HECW1: variants seen among roughly 807,000 people sequenced by gnomAD.
HECW1 encodes the protein E3 ubiquitin-protein ligase HECW1.
In HECW1, 61 loss-of-function variants were observed where a neutral mutation model predicts 182.3. The ratio of observed to expected loss-of-function variants is 0.33; its 90% CI spans 0.27 to 0.41. The LOEUF (loss-of-function observed/expected upper bound fraction) is 0.41. Ranked by LOEUF, HECW1 falls within the 10% of genes least tolerant of loss-of-function variation. The pLI is 1.00. For missense variants in HECW1, 1,739 were observed against 2,108.9 expected (o/e 0.82, Z 3.44); for synonymous variants, 859 against 832.6 (o/e 1.03, Z -0.55).
intron 2 of HECW1, among the ~76,000 whole-genome samples, chr7:43,165,095 G>A (rs1790962952): frequency 6.6e-6 from 1 of 152,168 alleles, no homozygotes; most frequent in Admixed American, 6.5e-5. Context: ...GGTTTCAATA[G>A]TAAGGCCTTC....
intron 6 of HECW1, among the ~76,000 whole-genome samples, chr7:43,369,664 T>A (rs1415349013): frequency 6.6e-6 from 1 of 152,194 alleles, no homozygotes; most frequent in African/African-American, 2.4e-5. Flanking sequence ...TGATGAATCT[T>A]GACATGAATA....
chr7:43,431,990 G>C (rs1042707248), intron 8 of HECW1, among the ~76,000 whole-genome samples: 1 of 151,892 alleles, frequency 6.6e-6, no homozygotes, highest in African/African-American at 2.4e-5. Context: ...ACCATGCCTG[G>C]CTAATTTTTG....
Position 43,289,426 on chromosome 7 carries a change from C to T in HECW1, c.28-22337C>T, listed in dbSNP as rs1381623150. 3.3e-5 allele frequency among the ~76,000 whole-genome samples: 5 copies of T among 152,176 alleles called. No homozygotes were observed. The East Asian group carries it at 9.6e-4, about 29-fold the overall frequency. ...AGCCTCCAGCACTTTCTAATGCTGT[C>T]CCTACATGCAGTGGCAGCTCTACCC... On this transcript the variant is annotated intron_variant, in intron 3 of 29. Transcript: ENST00000395891.
intron 2 of HECW1, chr7:43,162,992 AG>A (rs1166646187): frequency 1.3e-5 from 2 of 152,214 alleles, no homozygotes; most frequent in Non-Finnish European, 2.9e-5. Flanking sequence ...TGAGCAGAGG[AG>A]TTGCTTACCT....
chr7:43,315,433 A>T (rs1809091936), intron 4 of HECW1, among the ~76,000 whole-genome samples: 1 of 151,304 alleles, frequency 6.6e-6, no homozygotes, highest in Non-Finnish European at 1.5e-5. Flanking sequence ...AGACAAGTAG[A>T]TTCTCCCCAT....
intron 24 of HECW1, chr7:43,509,365 A>G (rs778774097): frequency 4.8e-6 from 2 of 415,106 alleles, no homozygotes; most frequent in Non-Finnish European, 8.6e-6. Context: ...ATAATTGCCT[A>G]CTGAGAAGAC....
intron 8 of HECW1, among the ~76,000 whole-genome samples, chr7:43,436,645 C>T (rs1056298104): frequency 6.6e-6 from 1 of 152,158 alleles, no homozygotes; most frequent in Non-Finnish European, 1.5e-5. Context: ...AAGGCAGGAA[C>T]AGGCCATTTT....
intron 3 of HECW1, among the ~76,000 whole-genome samples, chr7:43,250,819 T>C (rs1016681446): frequency 4.6e-5 from 7 of 152,318 alleles, no homozygotes; most frequent in African/African-American, 1.7e-4. Context: ...ATTCAGAATC[T>C]TAGCTTCTCT....
chr7:43,399,169 G>A lies in HECW1; in HGVS notation c.631+2280G>A, dbSNP rs141371889. On this transcript the variant is annotated intron_variant, in intron 7 of 29. Transcript: ENST00000395891. ...TGCAGTCTAGTCTCCAGGCAAGAAGGGGGTTTGTTTCAGGAAAGAGCTGCT... is the reference window on the plus strand; with the variant it reads ...TGCAGTCTAGTCTCCAGGCAAGAAGAGGGTTTGTTTCAGGAAAGAGCTGCT... Among the ~76,000 whole-genome samples, 517 of 152,300 alleles carry A rather than the reference G, an allele frequency of 3.4e-3. 2 individuals are homozygous for A. The highest frequency in any genetic ancestry group is 6.1e-3 in the Admixed American group (94 of 15,294).
intron 28 of HECW1, among the ~76,000 whole-genome samples, chr7:43,553,668 CAAAAAAAA>C (rs773974209): frequency 3.0e-5 from 1 of 33,464 alleles, no homozygotes; most frequent in East Asian, 8.0e-4. Flanking sequence ...GATTCTGTCT[CAAAAAAAA>C]AAAAAAAAAA....
chr7:43,520,967 C>G (rs1402090429), intron 24 of HECW1, among the ~76,000 whole-genome samples: 1 of 152,224 alleles, frequency 6.6e-6, no homozygotes, highest in African/African-American at 2.4e-5. Flanking sequence ...GGCATGGAGG[C>G]AGCACCCTTC....
intron 2 of HECW1, among the ~76,000 whole-genome samples, chr7:43,190,953 T>A (rs546641085): frequency 6.6e-6 from 1 of 152,278 alleles, no homozygotes; most frequent in African/African-American, 2.4e-5. Context: ...ACAAGAATAT[T>A]TTCCCCCTTC....
intron 6 of HECW1, among the ~76,000 whole-genome samples, chr7:43,366,036 G>C (rs1289639493): frequency 6.6e-6 from 1 of 151,898 alleles, no homozygotes; most frequent in African/African-American, 2.4e-5. Flanking sequence ...CTGGGAGGTA[G>C]AGGTTGCAGT....
At chr7:43,531,660 C>A (rs551995834) in intron 24 of HECW1, among the ~76,000 whole-genome samples, 1 of 152,268 alleles carries the variant, frequency 6.6e-6, no homozygotes, top group South Asian at 2.1e-4. Context: ...CTCCCCTGCA[C>A]CCCTAATGAA....
At position 43,507,164 on chromosome 7, in the gene HECW1, C is replaced by A; in HGVS notation, c.3659C>A (p.Pro1220His). The A allele has an allele frequency of 6.2e-7, 1 of 1,613,976 alleles. No individual in the cohort carries two copies. The highest frequency in any genetic ancestry group is 8.5e-7 in the Non-Finnish European group (1 of 1,179,884). The change falls in exon 22 of 30, where the codon CCT becomes CAT. Residue 1220 changes from proline to histidine, a missense_variant. This residue lies in a region of HECW1 where 420 missense variants were observed against 595.7 expected (regional missense o/e 0.71). Coordinates refer to ENST00000395891, the MANE Select transcript of HECW1 (RefSeq NM_015052.5). The stretch of plus-strand genomic sequence containing the variant: ...TTACAGAGAGCCAGTGCAAGAGCCC[C>A]TTCCCCCTACCGAAGAGACTTTGAG... ...PGLQRASARA[P>H]SPYRRDFEAK...
intron 4 of HECW1, among the ~76,000 whole-genome samples, chr7:43,315,118 T>C (rs1342826313): frequency 1.3e-5 from 2 of 152,206 alleles, no homozygotes; most frequent in Admixed American, 1.3e-4. Context: ...AATAGGACTG[T>C]TCTGACATAA....
intron 3 of HECW1, among the ~76,000 whole-genome samples, chr7:43,269,632 G>A (rs1440706308): frequency 6.6e-6 from 1 of 152,132 alleles, no homozygotes; most frequent in African/African-American, 2.4e-5. Context: ...CATCCATCTG[G>A]GAATACCCCA....
At chr7:43,351,313 T>C (rs1206181317) in intron 5 of HECW1, among the ~76,000 whole-genome samples, 1 of 152,154 alleles carries the variant, frequency 6.6e-6, no homozygotes, top group Non-Finnish European at 1.5e-5. Flanking sequence ...GCTTTGGTTG[T>C]TCAATGCTCT....
At chr7:43,548,350 T>A (rs879364996) in intron 26 of HECW1, among the ~76,000 whole-genome samples, 4 of 152,164 alleles carry the variant, frequency 2.6e-5, no homozygotes, top group Non-Finnish European at 5.9e-5. Context: ...CCAATATATT[T>A]ATTGAAAAAA....
Sources: gnomAD v4.1 joint callset for allele counts (sites outside exome capture counted in the v4.1 genomes callset) on GRCh38, gnomAD v4.1.1 for gene constraint, gnomAD v4.1.1 regional missense constraint, MANE v1.5 for transcripts, NCBI Gene and HGNC (gene_info 2026-07-23, HGNC 2026-07-21) for gene names.